CHRNA7: variants seen among roughly 807,000 people sequenced by gnomAD.
CHRNA7 encodes cholinergic receptor nicotinic alpha 7 subunit, also known as neuronal acetylcholine receptor subunit alpha-7.
Under a neutral mutation model 48.0 loss-of-function variants are expected in CHRNA7, and 17 were observed. The observed-to-expected ratio is 0.35, with a 90% CI of 0.24 to 0.53. CHRNA7 has a LOEUF of 0.53. Ranked by LOEUF, CHRNA7 falls within the 20% of genes least tolerant of loss-of-function variation. CHRNA7 has a pLI of 0.92. For missense variants in CHRNA7, 155 were observed against 577.7 expected, an observed-to-expected ratio of 0.27 and a Z score of 7.50; for synonymous variants, 75 against 242.3, an observed-to-expected ratio of 0.31 and a Z score of 6.41.
intron 3 of CHRNA7, among the ~76,000 whole-genome samples, chr15:32,104,737 G>A (rs1213482501): frequency 6.6e-6 from 1 of 152,132 alleles, no homozygotes; most frequent in East Asian, 1.9e-4. Context: ...ACAACATAAA[G>A]CCATCTCCTG....
In CHRNA7 at chr15:32,149,776, A is replaced by G. The variant is rs1318002189; in HGVS notation, c.351-4131A>G. 6.6e-6 allele frequency among the ~76,000 whole-genome samples: 1 copy of G among 152,082 alleles called. No individual in the cohort carries two copies. The highest frequency in any genetic ancestry group is 2.4e-5 in the African/African-American group (1 of 41,426). ...CACAGGTAAGCTGTTGCTAATAGCAACAGTTTTTTTATCTTGTTTTTACCT... is the reference window on the plus strand; with the variant it reads ...CACAGGTAAGCTGTTGCTAATAGCAGCAGTTTTTTTATCTTGTTTTTACCT... On this transcript the variant is annotated intron_variant, in intron 4 of 9. Coordinates refer to ENST00000306901, the MANE Select transcript of CHRNA7 (RefSeq NM_000746.6). This position sits in a 1 kb window ranked among gnomAD's most constrained non-coding sequence, Gnocchi z 4.6.
chr15:32,062,517 G>A (rs1306221540), intron 2 of CHRNA7, among the ~76,000 whole-genome samples: 2 of 152,086 alleles, frequency 1.3e-5, no homozygotes, highest in Admixed American at 6.5e-5. Context: ...GTTCAGACAC[G>A]TGGATCTGTG....
intron 2 of CHRNA7, among the ~76,000 whole-genome samples, chr15:32,084,790 A>G (rs887491734): frequency 7.3e-5 from 11 of 150,656 alleles, no homozygotes; most frequent in Non-Finnish European, 1.3e-4. Flanking sequence ...CGCTGCCTGC[A>G]CGGCCTGCAC....
chr15:32,034,515 T>A (rs1901992411), intron 2 of CHRNA7, among the ~76,000 whole-genome samples: 1 of 152,052 alleles, frequency 6.6e-6, no homozygotes, highest in African/African-American at 2.4e-5. Flanking sequence ...GCTAGATGAG[T>A]GTGGGGACAG....
chr15:32,139,046 G>A (rs1019158208), intron 4 of CHRNA7, among the ~76,000 whole-genome samples: 5 of 152,192 alleles, frequency 3.3e-5, no homozygotes, highest in African/African-American at 1.2e-4. Flanking sequence ...GAGCCACTGC[G>A]CCCGGCCTGA....
Position 32,144,904 on chromosome 15 carries a change from GA to G in CHRNA7, c.351-9000del, listed in dbSNP as rs1398909542. 7.2e-5 allele frequency among the ~76,000 whole-genome samples: 11 copies of G among 152,258 alleles called. No homozygotes were observed. In the East Asian group the frequency reaches 2.1e-3, roughly 29 times the overall value. ...AGAAGTTTCTTATTGCCGACCTTCT[GA>G]AACCTACTTCTGTCAACTCGTCAAA... On this transcript the variant is annotated intron_variant, in intron 4 of 9. Transcript: ENST00000306901.
intron 4 of CHRNA7, among the ~76,000 whole-genome samples, chr15:32,140,289 T>C (rs1245263133): frequency 2.0e-5 from 3 of 152,236 alleles, no homozygotes; most frequent in Non-Finnish European, 4.4e-5. Flanking sequence ...TCATGGTGTA[T>C]GTGTGCCACA....
At chr15:32,030,754 CG>C (rs764162009) in intron 1 of CHRNA7, 105 bp downstream of exon 1, 19 of 1,513,726 alleles carry the variant, frequency 1.3e-5, no homozygotes, top group Non-Finnish European at 1.7e-5. Context: ...ATCTCCCCGC[CG>C]CCGGGGAGGG....
chr15:32,093,318 T>C (rs1399972852), intron 2 of CHRNA7, among the ~76,000 whole-genome samples: 1 of 152,160 alleles, frequency 6.6e-6, no homozygotes, highest in Admixed American at 6.5e-5. Context: ...GTAGGTCCTT[T>C]GAGGGAGATA....
At chr15:32,117,885 AG>A (rs2050901195) in intron 4 of CHRNA7, among the ~76,000 whole-genome samples, 1 of 152,118 alleles carries the variant, frequency 6.6e-6, no homozygotes, top group Admixed American at 6.5e-5. Flanking sequence ...AGGCTCTTGG[AG>A]GGCCCAAGGG....
intron 3 of CHRNA7, chr15:32,111,463 CA>C: frequency 4.5e-6 from 1 of 220,646 alleles, no homozygotes; most frequent in Non-Finnish European, 8.8e-6. Flanking sequence ...ACTTCTAAGG[CA>C]AAACAGTTAT....
At chr15:32,063,506 A>G (rs1385192559) in intron 2 of CHRNA7, among the ~76,000 whole-genome samples, 3 of 152,228 alleles carry the variant, frequency 2.0e-5, no homozygotes, top group Admixed American at 2.0e-4. Context: ...CAGCAGTGCC[A>G]TCCTCTTCAT....
intron 4 of CHRNA7, among the ~76,000 whole-genome samples, chr15:32,114,068 A>ATATATG (rs2050821584): frequency 1.5e-5 from 2 of 134,930 alleles, no homozygotes; most frequent in African/African-American, 5.5e-5. Flanking sequence ...ATACATATAT[A>ATATATG]TATATATACA....
intron 4 of CHRNA7, among the ~76,000 whole-genome samples, chr15:32,125,067 A>G (rs991978376): frequency 4.6e-5 from 7 of 152,232 alleles, no homozygotes; most frequent in African/African-American, 1.2e-4. Flanking sequence ...GCCCTATGAC[A>G]GCAAGTTAAA....
intron 4 of CHRNA7, among the ~76,000 whole-genome samples, chr15:32,150,233 G>A (rs1415730978): frequency 6.6e-6 from 1 of 151,938 alleles, no homozygotes; most frequent in Non-Finnish European, 1.5e-5. Context: ...TCAGTGTTTT[G>A]TTTTTGTAGA....
chr15:32,040,606 ATG>A (rs1011683494), intron 2 of CHRNA7, among the ~76,000 whole-genome samples: 1,165 of 37,726 alleles, frequency 0.031, 21 homozygotes, highest in African/African-American at 0.048. Context: ...ATATGTGTGT[ATG>A]TGTGTGTGTG....
rs550039796 is a variant in CHRNA7, at chr15:32,066,809, A to C, written c.196-34494A>C. Among the ~76,000 whole-genome samples the C allele has an allele frequency of 2.9e-3, 439 of 152,292 alleles. 5 individuals carry two copies. Among genetic ancestry groups the C allele is most frequent in the Middle Eastern group, 0.014 (4 of 292 alleles). On this transcript the variant is annotated intron_variant, in intron 2 of 9. Transcript: ENST00000306901. ...TAAAACACTAAAGGAAAGTATAAGA[A>C]TATCTCACCAAATAAATAATGCCAG... is the stretch of plus-strand genomic sequence containing the variant.
chr15:32,065,588 CA>C (rs1433878213), intron 2 of CHRNA7, among the ~76,000 whole-genome samples: 1 of 152,308 alleles, frequency 6.6e-6, no homozygotes, highest in African/African-American at 2.4e-5. Flanking sequence ...TGAAAAGCTC[CA>C]AAAAACACAT....
At chr15:32,150,545 A>G (rs1477021041) in intron 4 of CHRNA7, among the ~76,000 whole-genome samples, 2 of 152,242 alleles carry the variant, frequency 1.3e-5, no homozygotes, top group African/African-American at 4.8e-5. Context: ...ATTCATGGCC[A>G]GAGAGGCTTT....
Sources: gnomAD v4.1 joint callset for allele counts (sites outside exome capture counted in the v4.1 genomes callset) on GRCh38, gnomAD v4.1.1 for gene constraint, Gnocchi (gnomAD v3.1) non-coding constraint, MANE v1.5 for transcripts, NCBI Gene and HGNC (gene_info 2026-07-23, HGNC 2026-07-21) for gene names.